Variants in DCT observed in about 807,000 individuals in gnomAD.
DCT encodes dopachrome tautomerase, also known as L-dopachrome tautomerase.
In DCT, 47 loss-of-function variants were observed where a neutral mutation model predicts 53.0. That is an observed-to-expected ratio of 0.89 (90% confidence interval 0.70 to 1.13). The LOEUF (loss-of-function observed/expected upper bound fraction) is 1.13, where lower values mean the gene tolerates loss of function less well. Among genes scored for constraint, DCT ranks in the 50% most tolerant of loss-of-function variants. The pLI is 0.00. For missense variants in DCT, 669 were observed against 637.4 expected, an observed-to-expected ratio of 1.05 and a Z score of -0.53; for synonymous variants, 244 against 237.0, an observed-to-expected ratio of 1.03 and a Z score of -0.27.
At chr13:94,497,963 C>T in the DCT span, among the ~76,000 whole-genome samples, 3 of 152,188 alleles carry the variant, frequency 2.0e-5, no homozygotes, top group African/African-American at 7.2e-5. Flanking sequence ...GTCTGCTCTG[C>T]ACTTTTCAGT....
upstream of DCT, among the ~76,000 whole-genome samples, chr13:94,483,938 G>T (rs963562623): frequency 6.6e-6 from 1 of 152,130 alleles, no homozygotes; most frequent in African/African-American, 2.4e-5. Context: ...AAAGATAACC[G>T]AAAAAGAATT....
chr13:94,442,065 T>C (rs1345597203), intron 7 of DCT, among the ~76,000 whole-genome samples: 2 of 152,128 alleles, frequency 1.3e-5, no homozygotes, highest in East Asian at 1.9e-4. Context: ...TGGTATCTTA[T>C]TGGGGTTTCT....
At chr13:94,481,922 A>G (rs962572200), upstream of DCT, among the ~76,000 whole-genome samples, 4 of 152,196 alleles carry the variant, frequency 2.6e-5, no homozygotes, top group African/African-American at 9.7e-5. Flanking sequence ...ATGCACTTCA[A>G]GTAAAATCCG....
At chr13:94,450,810 T>TCAGGC in intron 6 of DCT, among the ~76,000 whole-genome samples, 1 of 152,288 alleles carries the variant, frequency 6.6e-6, no homozygotes, top group South Asian at 2.1e-4. Flanking sequence ...AAGCTACCTC[T>TCAGGC]CAGGCCATTC....
chr13:94,465,391 A>C (rs1884101811), intron 4 of DCT: 1 of 315,826 alleles, frequency 3.2e-6, no homozygotes, highest in Admixed American at 4.8e-5. Flanking sequence ...TGATAAAACT[A>C]ACCTGATCTC....
the DCT span, among the ~76,000 whole-genome samples, chr13:94,522,166 AGAT>A: frequency 6.6e-6 from 1 of 152,230 alleles, no homozygotes; most frequent in Non-Finnish European, 1.5e-5. Flanking sequence ...TATTGATCCT[AGAT>A]GTGTCTGTGA....
At chr13:94,472,712 G>C (rs1162320072) in intron 1 of DCT, among the ~76,000 whole-genome samples, 4 of 149,178 alleles carry the variant, frequency 2.7e-5, no homozygotes, top group African/African-American at 9.9e-5. Flanking sequence ...CTCCCTAGTA[G>C]CTGGGATTAC....
In DCT at chr13:94,437,497, T is replaced by C. The variant is rs1461582710; in HGVS notation, c.*2401A>G. 1.3e-5 allele frequency: 2 copies of C among 152,230 alleles called. No homozygotes were observed. The highest frequency in any genetic ancestry group is 6.5e-5 in the Admixed American group (1 of 15,278). The allele number at this position is 152,230 out of a possible 1,614,324, so 9.4% of individuals were successfully genotyped here. ...AAGATGTTATTGCATTTTATCCCAT[T>C]TCTGAATGTTAGCTTTATAAAAAGC... is the stretch of plus-strand genomic sequence containing the variant. On this transcript the variant is annotated 3_prime_UTR_variant, in exon 8 of 8. Coordinates refer to ENST00000377028, the MANE Select transcript of DCT (RefSeq NM_001922.5).
chr13:94,530,858 T>C, the DCT span, among the ~76,000 whole-genome samples: 2 of 152,206 alleles, frequency 1.3e-5, no homozygotes, highest in African/African-American at 4.8e-5. Flanking sequence ...TTGTCTCTGT[T>C]TGCAGATGAC....
the DCT span, among the ~76,000 whole-genome samples, chr13:94,493,378 A>T: frequency 6.6e-6 from 1 of 152,184 alleles, no homozygotes; most frequent in Admixed American, 6.5e-5. Context: ...AAGTGACAGA[A>T]AGCAGATGAG....
At chr13:94,513,041 C>G in the DCT span, among the ~76,000 whole-genome samples, 4 of 152,132 alleles carry the variant, frequency 2.6e-5, no homozygotes, top group Non-Finnish European at 4.4e-5. Context: ...AGAGAACGTG[C>G]CATTCTGTTA....
intron 4 of DCT, among the ~76,000 whole-genome samples, chr13:94,464,497 G>A (rs1281598558): frequency 6.6e-6 from 1 of 151,998 alleles, no homozygotes; most frequent in Non-Finnish European, 1.5e-5. Flanking sequence ...AAAATTAGCT[G>A]GGCGTGGTTG....
chr13:94,525,191 C>A, the DCT span, among the ~76,000 whole-genome samples: 1 of 152,122 alleles, frequency 6.6e-6, no homozygotes, highest in Admixed American at 6.5e-5. Context: ...ACTTCCACCC[C>A]CTGGGTTCAA....
the DCT span, among the ~76,000 whole-genome samples, chr13:94,505,919 A>G: frequency 6.6e-6 from 1 of 152,194 alleles, no homozygotes; most frequent in African/African-American, 2.4e-5. Context: ...TGAGCTTGGA[A>G]GTGAATTATC....
chr13:94,449,144 A>G (rs1423529397), intron 6 of DCT, among the ~76,000 whole-genome samples: 1 of 152,092 alleles, frequency 6.6e-6, no homozygotes, highest in Non-Finnish European at 1.5e-5. Flanking sequence ...AAATGTGATT[A>G]CATGGGCTTT....
At chr13:94,501,527 C>T in the DCT span, among the ~76,000 whole-genome samples, 1 of 152,014 alleles carries the variant, frequency 6.6e-6, no homozygotes. Flanking sequence ...TTATTAAGCA[C>T]CTACTGTATG....
At chr13:94,465,046 C>T (rs1342151720) in intron 4 of DCT, among the ~76,000 whole-genome samples, 1 of 152,148 alleles carries the variant, frequency 6.6e-6, no homozygotes, top group Non-Finnish European at 1.5e-5. Flanking sequence ...TGTGCCCCTC[C>T]CCTTCTCAGA....
At chr13:94,458,034 G>A (rs549713995) in intron 6 of DCT, among the ~76,000 whole-genome samples, 7 of 152,294 alleles carry the variant, frequency 4.6e-5, no homozygotes, top group African/African-American at 1.2e-4. Context: ...CCCCATAACC[G>A]TGTCTGAGCA....
chr13:94,452,782 C>T (rs1883180774), intron 6 of DCT: 1 of 507,760 alleles, frequency 2.0e-6, no homozygotes, highest in African/African-American at 2.0e-5. Flanking sequence ...TAAGAATGCC[C>T]TTCAGAACTG....
Sources: allele counts gnomAD v4.1 joint callset (sites outside exome capture counted in the v4.1 genomes callset), GRCh38; gene constraint gnomAD v4.1.1; transcripts MANE v1.5; gene names NCBI Gene and HGNC (gene_info 2026-07-23, HGNC 2026-07-21).